RIN3: variants seen among roughly 807,000 people sequenced by gnomAD.
RIN3 encodes Ras and Rab interactor 3, also known as RAB5 interacting protein 3.
RIN3 carries 54 observed loss-of-function variants against 76.3 expected under a neutral mutation model. The ratio of observed to expected loss-of-function variants is 0.71; its 90% CI spans 0.57 to 0.89. RIN3 has a LOEUF of 0.89. Among genes scored for constraint, RIN3 ranks in the 40% least tolerant of loss-of-function variants. RIN3 has a pLI of 0.00. For missense variants in RIN3, 1,256 were observed against 1,322.1 expected, an observed-to-expected ratio of 0.95 and a Z score of 0.78; for synonymous variants, 576 against 564.0, an observed-to-expected ratio of 1.02 and a Z score of -0.30.
intron 2 of RIN3, chr14:92,576,334 A>G (rs1289281531): frequency 7.8e-7 from 1 of 1,289,724 alleles, no homozygotes; most frequent in African/African-American, 1.5e-5. Flanking sequence ...AGAGCGTGAG[A>G]AGGAGAAGCG....
At chr14:92,535,074 G>A (rs944057903) in intron 1 of RIN3, among the ~76,000 whole-genome samples, 1 of 152,164 alleles carries the variant, frequency 6.6e-6, no homozygotes, top group African/African-American at 2.4e-5. Flanking sequence ...TGACACCCAT[G>A]GGGATGGGCT....
intron 2 of RIN3, among the ~76,000 whole-genome samples, chr14:92,556,442 A>G (rs1897584630): frequency 6.6e-6 from 1 of 152,198 alleles, no homozygotes; most frequent in South Asian, 2.1e-4. Flanking sequence ...AGCTGGGCAC[A>G]CGGCTTAAAT....
intron 6 of RIN3, among the ~76,000 whole-genome samples, chr14:92,654,116 C>T (rs1245721290): frequency 6.6e-6 from 1 of 152,040 alleles, no homozygotes; most frequent in Non-Finnish European, 1.5e-5. Flanking sequence ...GAGTTCGAGA[C>T]CAGCCTGGCC....
At chr14:92,597,531 A>G (rs758866552) in intron 3 of RIN3, among the ~76,000 whole-genome samples, 49 of 152,188 alleles carry the variant, frequency 3.2e-4, no homozygotes, top group Non-Finnish European at 6.2e-4. Context: ...TTCACTTACT[A>G]GCTGGTTGAA....
rs980202643 is a variant in RIN3 at position 92,685,460 on chromosome 14, G to A, written c.2631+310G>A. On this transcript the variant is annotated intron_variant, in intron 9 of 9. Coordinates refer to ENST00000216487, the MANE Select transcript of RIN3 (RefSeq NM_024832.5). This position sits in a 1 kb window ranked among gnomAD's most constrained non-coding sequence, Gnocchi z 4.7. ...CCCTCCTAGGACCCAGCACCCTGCA[G>A]GGGCTGGAGATGGGGACTTGTCATC... 3.4e-6 allele frequency: 1 copy of A among 296,026 alleles called. No individual in the cohort carries two copies. The highest frequency in any genetic ancestry group is 2.1e-5 in the African/African-American group (1 of 47,786). 18.3% of individuals were successfully genotyped at this position (296,026 alleles called of 1,614,324 possible). A position where few individuals can be genotyped will look rare whatever the true frequency, so the allele number is the denominator to read the frequency against.
intron 6 of RIN3, among the ~76,000 whole-genome samples, 187 bp downstream of exon 6, chr14:92,653,262 C>T (rs576540952): frequency 1.3e-5 from 2 of 152,186 alleles, no homozygotes; most frequent in Non-Finnish European, 2.9e-5. Flanking sequence ...GGCTCCCCCC[C>T]TTCCCTAGAG....
chr14:92,610,869 C>T (rs1292148712), intron 3 of RIN3, among the ~76,000 whole-genome samples: 1 of 152,218 alleles, frequency 6.6e-6, no homozygotes, highest in Non-Finnish European at 1.5e-5. Context: ...CTGCCTCACA[C>T]CACATTGCCT....
chr14:92,644,722 G>A (rs758004805), intron 5 of RIN3: 5 of 152,428 alleles, frequency 3.3e-5, no homozygotes, highest in African/African-American at 9.6e-5. Context: ...CCAAGGAAAG[G>A]TTCACTTTAC....
At position 92,586,156 on chromosome 14, in the gene RIN3, C is replaced by T. The variant is rs138104834; in HGVS notation, c.367+8679C>T. 7.2e-5 allele frequency among the ~76,000 whole-genome samples: 11 copies of T among 152,286 alleles called. No individual in the cohort carries two copies. In the East Asian group the frequency reaches 9.6e-4, roughly 13 times the overall value. ...GTGACTACTCATAGGGGCTTGGGAC[C>T]GTGTTGCCTGGCACATGGGACGCGC... On this transcript the variant is annotated intron_variant, in intron 3 of 9. Coordinates refer to ENST00000216487, the MANE Select transcript of RIN3 (RefSeq NM_024832.5).
At chr14:92,518,284 T>G (rs1451956076) in intron 1 of RIN3, among the ~76,000 whole-genome samples, 1 of 152,178 alleles carries the variant, frequency 6.6e-6, no homozygotes, top group East Asian at 1.9e-4. Context: ...TTCCATATCC[T>G]TGTGTCCTAC....
chr14:92,641,845 G>GA (rs1206870581), intron 5 of RIN3, among the ~76,000 whole-genome samples: 1 of 152,210 alleles, frequency 6.6e-6, no homozygotes, highest in Admixed American at 6.5e-5. Context: ...GAAGGGGAGG[G>GA]AGGGCAGGGT....
At chr14:92,673,719 C>T (rs555638138) in intron 7 of RIN3, among the ~76,000 whole-genome samples, 19 of 152,260 alleles carry the variant, frequency 1.2e-4, no homozygotes, top group Admixed American at 4.6e-4. Flanking sequence ...TTGGCCAGGT[C>T]GATCTCGAAC....
chr14:92,549,812 A>G (rs996233148), intron 1 of RIN3, among the ~76,000 whole-genome samples: 6 of 152,196 alleles, frequency 3.9e-5, no homozygotes, highest in African/African-American at 2.4e-5. Flanking sequence ...CTCTGAGCTC[A>G]TTGCTCTATT....
chr14:92,629,589 C>G (rs954506053), intron 4 of RIN3, among the ~76,000 whole-genome samples: 2 of 152,226 alleles, frequency 1.3e-5, no homozygotes, highest in African/African-American at 4.8e-5. Flanking sequence ...TGCGAACTGG[C>G]CTTACGTTCC....
At position 92,577,389 on chromosome 14, in the gene RIN3, G is replaced by A. The variant is rs140939245; in HGVS notation, c.279G>A (p.Ser93=). 99 of 1,613,614 alleles carry A rather than the reference G, an allele frequency of 6.1e-5. 2 individuals are homozygous for A. The South Asian group carries it at 6.5e-4, about 11-fold the overall frequency. Residue 93 remains serine, a synonymous_variant, in exon 3 of 10, where the codon TCG becomes TCA. Transcript: ENST00000216487. Reference sequence around the variant, plus strand: ...TCCTGGTTCGCCGGGACAGCAGCTCGAAGCAGCTGGTGCTCTGTGTCCACT... The same window carrying A: ...TCCTGGTTCGCCGGGACAGCAGCTCAAAGCAGCTGGTGCTCTGTGTCCACT... ...GMFLVRRDSS[S]KQLVLCVHFP...
At chr14:92,677,111 G>A (rs143416179) in intron 8 of RIN3, among the ~76,000 whole-genome samples, 10 of 152,236 alleles carry the variant, frequency 6.6e-5, no homozygotes, top group South Asian at 2.1e-4. Context: ...AGGGACTCTC[G>A]GCCCCTTGCT....
chr14:92,622,337 C>T (rs1049149192), intron 4 of RIN3, among the ~76,000 whole-genome samples: 2 of 152,122 alleles, frequency 1.3e-5, no homozygotes, highest in African/African-American at 4.8e-5. Context: ...GCATGTGTTC[C>T]CTCCAGAGCC....
At position 92,652,106 on chromosome 14, in the gene RIN3, C is replaced by A. The variant is rs769078505; in HGVS notation, c.1057C>A (p.Pro353Thr). The change falls in exon 6 of 10, where the codon CCC becomes ACC. Residue 353 changes from proline to threonine, a missense_variant. Around this residue, in one of 3 missense-constraint regions of RIN3, gnomAD observed 610 missense variants for 626.4 expected, o/e 0.97. Coordinates refer to ENST00000216487, the MANE Select transcript of RIN3 (RefSeq NM_024832.5). This position sits in a 1 kb window ranked among gnomAD's most constrained non-coding sequence, Gnocchi z 6.4. ...RLPCPTAGLG[P>T]LREEAMKPGA... Reference sequence around the variant, plus strand: ...CCCATGCCCCACTGCAGGCCTGGGCCCCCTCAGGGAGGAAGCGATGAAGCC... The same window carrying A: ...CCCATGCCCCACTGCAGGCCTGGGCACCCTCAGGGAGGAAGCGATGAAGCC... 2 of 1,607,144 alleles carry A rather than the reference C, an allele frequency of 1.2e-6. No individual in the cohort carries two copies. The highest frequency in any genetic ancestry group is 1.7e-6 in the Non-Finnish European group (2 of 1,179,848).
chr14:92,560,749 T>C (rs1014224711), intron 2 of RIN3, among the ~76,000 whole-genome samples: 2 of 151,922 alleles, frequency 1.3e-5, no homozygotes, highest in African/African-American at 2.4e-5. Context: ...CCGGATGCGG[T>C]GGCTCATGTC....
Sources: allele counts gnomAD v4.1 joint callset (sites outside exome capture counted in the v4.1 genomes callset), GRCh38; gene constraint gnomAD v4.1.1; regional missense constraint gnomAD v4.1.1; non-coding constraint Gnocchi (gnomAD v3.1); transcripts MANE v1.5; gene names NCBI Gene and HGNC (gene_info 2026-07-23, HGNC 2026-07-21).